SGCZ: variants seen among roughly 807,000 people sequenced by gnomAD.
The protein encoded by SGCZ is sarcoglycan zeta.
In SGCZ, 40 loss-of-function variants were observed where a neutral mutation model predicts 41.3. The ratio of observed to expected loss-of-function variants is 0.97; its 90% CI spans 0.75 to 1.26. SGCZ has a LOEUF of 1.26. Among genes scored for constraint, SGCZ ranks in the 50% most tolerant of loss-of-function variants. The pLI, the probability that SGCZ is intolerant of heterozygous loss-of-function variation, is 0.00. For missense variants in SGCZ, 552 were observed against 369.8 expected, an observed-to-expected ratio of 1.49 and a Z score of -4.04; for synonymous variants, 206 against 137.5, an observed-to-expected ratio of 1.50 and a Z score of -3.49.
intron 1 of SGCZ, among the ~76,000 whole-genome samples, chr8:14,713,984 T>G (rs990580212): frequency 6.6e-6 from 1 of 152,128 alleles, no homozygotes; most frequent in Non-Finnish European, 1.5e-5. Context: ...TTGTTTTTGT[T>G]TTCAGATGGA....
intron 3 of SGCZ, among the ~76,000 whole-genome samples, chr8:14,268,930 C>G (rs1228912253): frequency 6.6e-6 from 1 of 151,256 alleles, no homozygotes; most frequent in Non-Finnish European, 1.5e-5. Flanking sequence ...ATTTTTATTT[C>G]AAATTATTAA....
At position 14,086,488 on chromosome 8, in the gene SGCZ, G is replaced by A. The variant is rs1289376569; in HGVS notation, c.*3955C>T. The stretch of plus-strand genomic sequence containing the variant: ...TAGGAATTTTGAATGGAATAAAACA[G>A]TTCAGCAATTAACCTCTGTGATCAC... On this transcript the variant is annotated 3_prime_UTR_variant, in exon 8 of 8. Coordinates refer to ENST00000382080, the MANE Select transcript of SGCZ (RefSeq NM_139167.4). 6.6e-6 allele frequency among the ~76,000 whole-genome samples: 1 copy of A among 151,688 alleles called. No individual in the cohort carries two copies. The highest frequency in any genetic ancestry group is 2.4e-5 in the African/African-American group (1 of 41,380).
In SGCZ at chr8:14,509,766, G is replaced by T. The variant is rs189724113; in HGVS notation, c.234+44966C>A. Among the ~76,000 whole-genome samples, 18 of 152,204 alleles carry T rather than the reference G, an allele frequency of 1.2e-4. No individual in the cohort carries two copies. In the South Asian group the frequency reaches 3.1e-3, roughly 26 times the overall value. ...TCGACTCACAGTTCCTCATGACTTG[G>T]GAGGCCTCGGGAGACTTACAATCAT... On this transcript the variant is annotated intron_variant, in intron 2 of 7. Transcript: ENST00000382080.
chr8:15,009,452 C>G (rs1230628983), intron 1 of SGCZ, among the ~76,000 whole-genome samples: 1 of 152,040 alleles, frequency 6.6e-6, no homozygotes, highest in Non-Finnish European at 1.5e-5. Flanking sequence ...AAATCCAAAC[C>G]GTATCACATA....
intron 2 of SGCZ, among the ~76,000 whole-genome samples, chr8:14,336,900 T>A (rs976449786): frequency 6.6e-6 from 1 of 152,156 alleles, no homozygotes; most frequent in African/African-American, 2.4e-5. Context: ...TCATTTCTAA[T>A]CCTCATAATG....
chr8:14,838,137 T>A (rs566658878), intron 1 of SGCZ, among the ~76,000 whole-genome samples: 1 of 151,670 alleles, frequency 6.6e-6, no homozygotes, highest in East Asian at 1.9e-4. Flanking sequence ...ATAGAGAGAG[T>A]AGAATGATGG....
At chr8:14,655,646 G>A (rs1010709161) in intron 1 of SGCZ, among the ~76,000 whole-genome samples, 1 of 152,024 alleles carries the variant, frequency 6.6e-6, no homozygotes, top group Non-Finnish European at 1.5e-5. Context: ...CACCCAATGG[G>A]AGTATCTTGT....
intron 1 of SGCZ, among the ~76,000 whole-genome samples, chr8:14,836,522 G>A (rs1051239798): frequency 7.2e-5 from 11 of 151,956 alleles, no homozygotes; most frequent in South Asian, 2.1e-4. Context: ...GTTTTGAGAC[G>A]GGGTCTCACT....
At chr8:14,827,031 T>G (rs543694870) in intron 1 of SGCZ, among the ~76,000 whole-genome samples, 95 of 152,186 alleles carry the variant, frequency 6.2e-4, no homozygotes, top group African/African-American at 2.2e-3. Context: ...CTGAATGGTA[T>G]TGCCTCGGTT....
At chr8:14,383,968 T>A (rs1397171226) in intron 2 of SGCZ, among the ~76,000 whole-genome samples, 1 of 152,024 alleles carries the variant, frequency 6.6e-6, no homozygotes, top group East Asian at 1.9e-4. Flanking sequence ...TTTCTTTTTT[T>A]AAATTTTATT....
rs575945073 is a variant in SGCZ at position 14,233,175 on chromosome 8, T to C, written c.424+4417A>G. ...TCTGAATTTATCCTCCTTTCATTTTTATCCTTCAGCTATAGACTGACAGCA... is the reference window on the plus strand; with the variant it reads ...TCTGAATTTATCCTCCTTTCATTTTCATCCTTCAGCTATAGACTGACAGCA... On this transcript the variant is annotated intron_variant, in intron 4 of 7. Transcript: ENST00000382080. Among the ~76,000 whole-genome samples, 163 of 152,140 alleles carry C rather than the reference T, an allele frequency of 1.1e-3. 1 individual carries two copies. Among genetic ancestry groups the C allele is most frequent in the African/African-American group, 3.7e-3 (153 of 41,544 alleles).
chr8:14,742,949 A>C (rs1176493620), intron 1 of SGCZ, among the ~76,000 whole-genome samples: 3 of 152,134 alleles, frequency 2.0e-5, no homozygotes, highest in Non-Finnish European at 4.4e-5. Context: ...TATGATTTTC[A>C]TAGGAAACTG....
intron 1 of SGCZ, among the ~76,000 whole-genome samples, chr8:14,736,772 T>C (rs966877564): frequency 6.6e-6 from 1 of 152,126 alleles, no homozygotes; most frequent in African/African-American, 2.4e-5. Context: ...TCACAGTCTC[T>C]AATCACATTC....
At chr8:15,096,949 C>G (rs2168124) in intron 1 of SGCZ, among the ~76,000 whole-genome samples, 1 of 152,092 alleles carries the variant, frequency 6.6e-6, no homozygotes, top group African/African-American at 2.4e-5. Flanking sequence ...CCTCCCAAAG[C>G]AGTGGGATTA....
intron 1 of SGCZ, among the ~76,000 whole-genome samples, chr8:15,000,517 G>C (rs1476723971): frequency 1.3e-5 from 2 of 152,102 alleles, no homozygotes; most frequent in Non-Finnish European, 2.9e-5. Context: ...TGCAGACATA[G>C]ACAAGCAAGC....
At chr8:14,434,688 T>A (rs549855103) in intron 2 of SGCZ, among the ~76,000 whole-genome samples, 1 of 152,146 alleles carries the variant, frequency 6.6e-6, no homozygotes, top group African/African-American at 2.4e-5. Context: ...TTTACCTCCT[T>A]GGCTAGGTAT....
chr8:15,094,120 T>C (rs1460120624), intron 1 of SGCZ, among the ~76,000 whole-genome samples: 3 of 151,998 alleles, frequency 2.0e-5, no homozygotes, highest in African/African-American at 4.8e-5. Flanking sequence ...AGTTGTTTTA[T>C]TTATTTATGG....
chr8:14,745,598 T>C (rs916761985), intron 1 of SGCZ, among the ~76,000 whole-genome samples: 1 of 151,970 alleles, frequency 6.6e-6, no homozygotes, highest in Admixed American at 6.6e-5. Flanking sequence ...ACATAATATA[T>C]GTAGACATAT....
chr8:14,612,215 G>A lies in SGCZ; in HGVS notation c.40-57289C>T, dbSNP rs918082002. Among the ~76,000 whole-genome samples the A allele has an allele frequency of 2.0e-5, 3 of 152,144 alleles. 1 individual carries two copies. Among genetic ancestry groups the A allele is most frequent in the East Asian group, 3.9e-4 (2 of 5,180 alleles). On this transcript the variant is annotated intron_variant, in intron 1 of 7. Transcript: ENST00000382080. ...TCATCTCTAATTGTAATCCCCATGT[G>A]TTGAGGGAGGGAACTGTTGCCAGGT...
Sources: gnomAD v4.1 joint callset for allele counts (sites outside exome capture counted in the v4.1 genomes callset) on GRCh38, gnomAD v4.1.1 for gene constraint, MANE v1.5 for transcripts, NCBI Gene and HGNC (gene_info 2026-07-23, HGNC 2026-07-21) for gene names.